Variants in RYR3 observed in about 807,000 individuals in gnomAD.
RYR3 encodes ryanodine receptor 3, also known as brain ryanodine receptor-calcium release channel.
RYR3 carries 207 observed loss-of-function variants against 584.3 expected under a neutral mutation model. That is an observed-to-expected ratio of 0.35 (90% CI 0.32 to 0.40). The LOEUF is 0.40. RYR3 is among the 10% of genes least tolerant of loss of function. The pLI, the probability that RYR3 is intolerant of heterozygous loss-of-function variation, is 1.00. For synonymous variants in RYR3, 2,416 were observed against 2,248.5 expected (o/e 1.07, Z -2.11); for missense variants, 5,616 against 6,089.2 (o/e 0.92, Z 2.59).
At chr15:33,724,282 G>T in intron 45 of RYR3, 106 bp downstream of exon 45, 1 of 663,110 alleles carries the variant, frequency 1.5e-6, no homozygotes, top group Non-Finnish European at 2.6e-6. Context: ...TTGCTAACAT[G>T]CCTTTTTCTA....
At chr15:33,620,384 A>G (rs749623465) in intron 19 of RYR3, among the ~76,000 whole-genome samples, 7 of 152,150 alleles carry the variant, frequency 4.6e-5, no homozygotes. Context: ...TCTTTCCTTT[A>G]TCCGTCTAGA....
rs370555067 is a variant in RYR3, at chr15:33,683,579, G to A, written c.5861-12639G>A. Among the ~76,000 whole-genome samples the A allele has an allele frequency of 8.5e-5, 13 of 152,276 alleles. 1 individual carries two copies. The Middle Eastern group carries it at 0.014, about 160-fold the overall frequency. Reference sequence around the variant, plus strand: ...TCCCAGCATGATTGACACAGAAGACGGGTGATTTCTGCATTTCCAGATGAG... The same window carrying A: ...TCCCAGCATGATTGACACAGAAGACAGGTGATTTCTGCATTTCCAGATGAG... On this transcript the variant is annotated intron_variant, in intron 38 of 103. Transcript: ENST00000634891.
At chr15:33,587,685 A>G (rs553413740) in intron 16 of RYR3, among the ~76,000 whole-genome samples, 2 of 152,360 alleles carry the variant, frequency 1.3e-5, no homozygotes, top group Admixed American at 6.5e-5. Context: ...ATCTTGGTAC[A>G]TAAGAGTCTT....
At chr15:33,404,712 G>T (rs1277851182) in intron 1 of RYR3, among the ~76,000 whole-genome samples, 1 of 152,030 alleles carries the variant, frequency 6.6e-6, no homozygotes, top group Non-Finnish European at 1.5e-5. Flanking sequence ...AATGAGAATG[G>T]ATAAAGTTCA....
chr15:33,808,219 G>A (rs1040526845), intron 70 of RYR3, among the ~76,000 whole-genome samples: 1 of 152,232 alleles, frequency 6.6e-6, no homozygotes, highest in African/African-American at 2.4e-5. Flanking sequence ...AGGCGAGATA[G>A]ACTTGCATCT....
At chr15:33,815,292 T>A (rs1220467037) in intron 74 of RYR3, 1 of 152,174 alleles carries the variant, frequency 6.6e-6, no homozygotes, top group African/African-American at 2.4e-5. Context: ...CAAAAGTGCA[T>A]AGAATTTGTC....
chr15:33,389,313 C>A (rs1486946921), intron 1 of RYR3, among the ~76,000 whole-genome samples: 1 of 152,024 alleles, frequency 6.6e-6, no homozygotes, highest in Non-Finnish European at 1.5e-5. Context: ...AAGTAGCAAT[C>A]AATAGATCAT....
At chr15:33,810,944 C>T in intron 71 of RYR3, 34 bp from the exon 72 acceptor site, 1 of 1,570,120 alleles carries the variant, frequency 6.4e-7, no homozygotes, top group Non-Finnish European at 8.7e-7. Context: ...CCATGGTGAT[C>T]TCCGGGAATA....
intron 43 of RYR3, among the ~76,000 whole-genome samples, chr15:33,716,552 A>G (rs2067507236): frequency 6.6e-6 from 1 of 152,132 alleles, no homozygotes; most frequent in African/African-American, 2.4e-5. Flanking sequence ...CAGACAGTCA[A>G]AACAGTACCA....
chr15:33,450,966 C>T (rs575683547), intron 1 of RYR3, among the ~76,000 whole-genome samples: 83 of 152,254 alleles, frequency 5.5e-4, no homozygotes, highest in Admixed American at 1.5e-3. Flanking sequence ...AATGGAGCAT[C>T]GTGTGGTCCT....
intron 85 of RYR3, among the ~76,000 whole-genome samples, chr15:33,829,957 T>A (rs1785696387): frequency 6.6e-6 from 1 of 152,110 alleles, no homozygotes; most frequent in African/African-American, 2.4e-5. Flanking sequence ...ATTGCTGCAA[T>A]CTCATGATCA....
intron 19 of RYR3, among the ~76,000 whole-genome samples, chr15:33,620,654 C>T (rs1207314811): frequency 6.6e-6 from 1 of 152,170 alleles, no homozygotes; most frequent in African/African-American, 2.4e-5. Context: ...AATTTTATCT[C>T]CCTAGTTATT....
chr15:33,865,553 G>T lies in RYR3; in HGVS notation c.*327G>T, dbSNP rs180758529. 8.0e-6 allele frequency: 2 copies of T among 249,144 alleles called. No homozygotes were observed. The highest frequency in any genetic ancestry group is 8.5e-5 in the East Asian group (1 of 11,822). The allele number at this position is 249,144 out of a possible 1,614,324, so 15.4% of individuals were successfully genotyped here. A position where few individuals can be genotyped will look rare whatever the true frequency, so the allele number is the denominator to read the frequency against. ...AAGCATGAAGGAAAGGGCTAGAGAA[G>T]TATGAAATCTCGAATGTGTAATACC... On this transcript the variant is annotated 3_prime_UTR_variant, in exon 104 of 104. Transcript: ENST00000634891.
chr15:33,812,642 G>A (rs948059522), intron 72 of RYR3, among the ~76,000 whole-genome samples: 7 of 152,100 alleles, frequency 4.6e-5, no homozygotes, highest in Non-Finnish European at 7.4e-5. Flanking sequence ...GAGAGATGAC[G>A]AGATAGAAAA....
chr15:33,762,316 A>G (rs1339336431), intron 60 of RYR3, among the ~76,000 whole-genome samples: 1 of 152,188 alleles, frequency 6.6e-6, no homozygotes, highest in Non-Finnish European at 1.5e-5. Flanking sequence ...AAGGCAAATC[A>G]TCTCTGTTTG....
Position 33,533,344 on chromosome 15 carries a change from A to G in RYR3, c.388A>G (p.Thr130Ala), listed in dbSNP as rs1276743449. Residue 130 changes from threonine (T) to alanine (A), a missense_variant, in exon 5 of 104, where the codon ACA (threonine) becomes GCA (alanine). Coordinates refer to ENST00000634891, the MANE Select transcript of RYR3 (RefSeq NM_001036.6). ...LTCLTTSRSQTDKLAFDVGLR... is the reference protein window; with the variant it reads ...LTCLTTSRSQADKLAFDVGLR... ...ATGCTTGACTACATCAAGATCCCAG[A>G]CAGACAAACTTGCCTTTGATGTAGG... The G allele has an allele frequency of 6.2e-7, 1 of 1,608,732 alleles. No homozygotes were observed. Among genetic ancestry groups the G allele is most frequent in the African/African-American group, 1.3e-5 (1 of 74,860 alleles).
chr15:33,765,691 A>G (rs973062281), intron 60 of RYR3, among the ~76,000 whole-genome samples: 1 of 151,762 alleles, frequency 6.6e-6, no homozygotes, highest in African/African-American at 2.4e-5. Flanking sequence ...CGCTTTCCCT[A>G]GCATCCAGTG....
rs77406003 is a variant in RYR3 at position 33,766,976 on chromosome 15, C to T, written c.8706-1682C>T. ...AGCCTTTGGAAATTTCAGATCCTGG[C>T]CTTGGCATGCCTAAGAAAGCACTTC... On this transcript the variant is annotated intron_variant, in intron 60 of 103. Coordinates refer to ENST00000634891, the MANE Select transcript of RYR3 (RefSeq NM_001036.6). 3.9e-3 allele frequency among the ~76,000 whole-genome samples: 599 copies of T among 152,336 alleles called. 1 individual carries two copies. Among genetic ancestry groups the T allele is most frequent in the Non-Finnish European group, 5.7e-3 (391 of 68,042 alleles).
chr15:33,536,515 T>A (rs1266362446), intron 5 of RYR3, among the ~76,000 whole-genome samples: 1 of 152,180 alleles, frequency 6.6e-6, no homozygotes, highest in Non-Finnish European at 1.5e-5. Flanking sequence ...GACTGGCCCA[T>A]CCCACTGCTT....
Sources: allele counts gnomAD v4.1 joint callset (sites outside exome capture counted in the v4.1 genomes callset), GRCh38; gene constraint gnomAD v4.1.1; transcripts MANE v1.5; gene names NCBI Gene and HGNC (gene_info 2026-07-23, HGNC 2026-07-21).